TRPC7: variants seen among roughly 807,000 people sequenced by gnomAD.
TRPC7 encodes transient receptor potential cation channel subfamily C member 7, also known as short transient receptor potential channel 7.
Under a neutral mutation model 90.1 loss-of-function variants are expected in TRPC7, and 42 were observed. The observed-to-expected ratio is 0.47, with a 90% CI of 0.36 to 0.60. The LOEUF (loss-of-function observed/expected upper bound fraction) is 0.60, where lower values mean the gene tolerates loss of function less well. Ranked by LOEUF, TRPC7 falls within the 20% of genes least tolerant of loss-of-function variation. TRPC7 has a pLI of 0.00. For synonymous variants in TRPC7, 451 were observed against 436.3 expected, an observed-to-expected ratio of 1.03 and a Z score of -0.42; for missense variants, 955 against 1,112.3, an observed-to-expected ratio of 0.86 and a Z score of 2.01.
chr5:136,272,576 C>G (rs1452511030), intron 4 of TRPC7, among the ~76,000 whole-genome samples: 2 of 151,988 alleles, frequency 1.3e-5, no homozygotes, highest in South Asian at 2.1e-4. Context: ...ATCGACATGC[C>G]CTCTACTGCA....
intron 2 of TRPC7, among the ~76,000 whole-genome samples, chr5:136,343,725 G>T (rs148378018): frequency 2.4e-4 from 36 of 152,242 alleles, no homozygotes; most frequent in East Asian, 1.2e-3. Flanking sequence ...TGTTACAGGG[G>T]TGAACATTGT....
At chr5:136,236,318 G>C (rs1039030255) in intron 7 of TRPC7, among the ~76,000 whole-genome samples, 1 of 152,180 alleles carries the variant, frequency 6.6e-6, no homozygotes, top group African/African-American at 2.4e-5. Flanking sequence ...CTTCTGCACA[G>C]GGTTGAATGG....
intron 7 of TRPC7, among the ~76,000 whole-genome samples, chr5:136,243,103 C>T (rs974194138): frequency 5.9e-5 from 9 of 152,160 alleles, no homozygotes; most frequent in Admixed American, 5.2e-4. Flanking sequence ...AGTCTTTCTT[C>T]TCTTCTTTCC....
At position 136,237,645 on chromosome 5, in the gene TRPC7, T is replaced by C. The variant is rs1756023347; in HGVS notation, c.1845-6096A>G. Among the ~76,000 whole-genome samples the C allele has an allele frequency of 1.3e-5, 2 of 152,226 alleles. 1 individual carries two copies. Among genetic ancestry groups the C allele is most frequent in the Admixed American group, 1.3e-4 (2 of 15,280 alleles). ...CTCTCTGTGCTGCTTTGTTTCTGGC[T>C]GTAAAATGGGAAAACAGTAATCTCC... On this transcript the variant is annotated intron_variant, in intron 7 of 11. Coordinates refer to ENST00000513104, the MANE Select transcript of TRPC7 (RefSeq NM_020389.3).
rs550250715 is a variant in TRPC7 at position 136,250,973 on chromosome 5, A to G, written c.1579+676T>C. On this transcript the variant is annotated intron_variant, in intron 6 of 11. Transcript: ENST00000513104. Reference sequence around the variant, plus strand: ...CCCTGCTATAAAAACCTGATTCTTCATGTTTAAAATAGGGACAAAAGAAGG... The same window carrying G: ...CCCTGCTATAAAAACCTGATTCTTCGTGTTTAAAATAGGGACAAAAGAAGG... Among the ~76,000 whole-genome samples, 7 of 152,328 alleles carry G rather than the reference A, an allele frequency of 4.6e-5. No individual in the cohort carries two copies. The South Asian group carries it at 1.2e-3, about 27-fold the overall frequency.
chr5:136,243,070 G>T lies in TRPC7; in HGVS notation c.1844+4401C>A, dbSNP rs529101128. Among the ~76,000 whole-genome samples, 3 of 152,296 alleles carry T rather than the reference G, an allele frequency of 2.0e-5. No individual in the cohort carries two copies. In the East Asian group the frequency reaches 5.8e-4, roughly 29 times the overall value. ...GCGATAGGGCAGGCCTTGGTTGAGG[G>T]TTGGGGCTGCAGTTAGTAGAGAAGT... On this transcript the variant is annotated intron_variant, in intron 7 of 11. Coordinates refer to ENST00000513104, the MANE Select transcript of TRPC7 (RefSeq NM_020389.3).
chr5:136,340,491 CTTAA>C (rs1759812765), intron 2 of TRPC7, among the ~76,000 whole-genome samples: 1 of 151,996 alleles, frequency 6.6e-6, no homozygotes, highest in South Asian at 2.1e-4. Flanking sequence ...TGATTAATAT[CTTAA>C]TTAACCTGAT....
intron 2 of TRPC7, among the ~76,000 whole-genome samples, chr5:136,352,334 T>C (rs762463638): frequency 1.4e-4 from 22 of 152,110 alleles, no homozygotes; most frequent in Non-Finnish European, 1.5e-4. Context: ...TTGGAAGAAA[T>C]ATTAATTCCT....
intron 7 of TRPC7, among the ~76,000 whole-genome samples, chr5:136,240,705 G>A (rs1756135648): frequency 6.6e-6 from 1 of 152,084 alleles, no homozygotes; most frequent in South Asian, 2.1e-4. Flanking sequence ...TGGAGGATGG[G>A]CTTGGACTCA....
At chr5:136,301,853 G>T (rs1010960647) in intron 3 of TRPC7, among the ~76,000 whole-genome samples, 1 of 152,208 alleles carries the variant, frequency 6.6e-6, no homozygotes, top group Non-Finnish European at 1.5e-5. Flanking sequence ...CCGTGACTCG[G>T]ATCGGGGGAC....
intron 10 of TRPC7, chr5:136,221,939 A>T (rs1332990918): frequency 6.6e-6 from 1 of 152,144 alleles, no homozygotes; most frequent in African/African-American, 2.4e-5. Flanking sequence ...TCTCAGAGTG[A>T]GTATGTGGGT....
At chr5:136,335,546 G>T (rs1458102945) in intron 2 of TRPC7, among the ~76,000 whole-genome samples, 1 of 151,826 alleles carries the variant, frequency 6.6e-6, no homozygotes, top group East Asian at 1.9e-4. Context: ...TGCAGTGGTT[G>T]GTACGTTTAC....
intron 2 of TRPC7, among the ~76,000 whole-genome samples, chr5:136,352,926 T>A (rs569114338): frequency 6.6e-6 from 1 of 152,310 alleles, no homozygotes; most frequent in South Asian, 2.1e-4. Flanking sequence ...TCCACCCACG[T>A]AGGAAGAGTT....
chr5:136,265,413 CAG>C (rs1756990650), intron 5 of TRPC7, among the ~76,000 whole-genome samples: 1 of 152,028 alleles, frequency 6.6e-6, no homozygotes, highest in Non-Finnish European at 1.5e-5. Context: ...GGTTTATAAA[CAG>C]AGTCACTGAT....
intron 2 of TRPC7, among the ~76,000 whole-genome samples, chr5:136,321,001 TTC>T (rs1326295355): frequency 6.6e-6 from 1 of 152,230 alleles, no homozygotes; most frequent in Non-Finnish European, 1.5e-5. Context: ...ATGGATTTTT[TTC>T]TGTGTCATTC....
chr5:136,324,223 G>A (rs776632927), intron 2 of TRPC7, among the ~76,000 whole-genome samples: 1 of 152,082 alleles, frequency 6.6e-6, no homozygotes, highest in Non-Finnish European at 1.5e-5. Context: ...AGACAAACAT[G>A]TTGTCTGAAA....
chr5:136,255,639 C>G (rs933669340), intron 5 of TRPC7, among the ~76,000 whole-genome samples: 25 of 152,188 alleles, frequency 1.6e-4, no homozygotes, highest in Non-Finnish European at 3.4e-4. Context: ...ACTGAACTTG[C>G]AATATCCTTG....
intron 3 of TRPC7, among the ~76,000 whole-genome samples, chr5:136,307,740 A>G (rs1580935086): frequency 6.6e-6 from 1 of 152,024 alleles, no homozygotes; most frequent in Admixed American, 6.6e-5. Context: ...TGCACGGGGG[A>G]GTCCTCACAG....
chr5:136,304,940 G>T (rs1174562049), intron 3 of TRPC7, among the ~76,000 whole-genome samples: 1 of 152,166 alleles, frequency 6.6e-6, no homozygotes, highest in Non-Finnish European at 1.5e-5. Context: ...TTTTAGCCTA[G>T]CCCTCATGTC....
Sources: gnomAD v4.1 joint callset for allele counts (sites outside exome capture counted in the v4.1 genomes callset) on GRCh38, gnomAD v4.1.1 for gene constraint, MANE v1.5 for transcripts, NCBI Gene and HGNC (gene_info 2026-07-23, HGNC 2026-07-21) for gene names.